NELL1: variants seen among roughly 807,000 people sequenced by gnomAD.
NELL1 encodes the protein neural EGFL like 1, also known as protein kinase C-binding protein NELL1.
A neutral mutation model predicts 107.4 loss-of-function variants in NELL1; 76 were observed. The observed-to-expected ratio is 0.71, with a 90% confidence interval of 0.59 to 0.86. NELL1 has a LOEUF of 0.86. NELL1 is among the 40% of genes least tolerant of loss of function. The pLI, the probability that NELL1 is intolerant of heterozygous loss-of-function variation, is 0.00. For synonymous variants in NELL1, 353 were observed against 341.2 expected (o/e 1.03, Z -0.38); for missense variants, 1,024 against 1,005.5 (o/e 1.02, Z -0.25).
intron 3 of NELL1, among the ~76,000 whole-genome samples, chr11:20,807,798 CA>C (rs759332443): frequency 1.3e-5 from 2 of 152,146 alleles, no homozygotes; most frequent in African/African-American, 2.4e-5. Flanking sequence ...CCCCTTTTCC[CA>C]GGTGGAGGAA....
chr11:21,175,736 C>G (rs1399307614), intron 13 of NELL1, among the ~76,000 whole-genome samples: 1 of 151,848 alleles, frequency 6.6e-6, no homozygotes, highest in Non-Finnish European at 1.5e-5. Context: ...GCGACTGTCA[C>G]TTTTTATCAA....
rs750284872 is a variant in NELL1, at chr11:21,194,529, G to C, written c.1427-34803G>C. Among the ~76,000 whole-genome samples, 27 of 152,110 alleles carry C rather than the reference G, an allele frequency of 1.8e-4. 1 individual carries two copies. The highest frequency in any genetic ancestry group is 1.2e-4 in the Non-Finnish European group (8 of 68,016). On this transcript the variant is annotated intron_variant, in intron 13 of 19. Coordinates refer to ENST00000357134, the MANE Select transcript of NELL1 (RefSeq NM_006157.5). ...GTTCATTTTAAAAAATTCCCCAGAT[G>C]ATTTAATATGTGGCCAAGAAGACTG... is the stretch of plus-strand genomic sequence containing the variant.
chr11:21,554,221 A>G (rs1564957740), intron 16 of NELL1, among the ~76,000 whole-genome samples: 1 of 151,898 alleles, frequency 6.6e-6, no homozygotes, highest in African/African-American at 2.4e-5. Context: ...TTAATTTAGA[A>G]GAAACTTTTC....
intron 12 of NELL1, among the ~76,000 whole-genome samples, chr11:21,007,754 C>A (rs1190432277): frequency 6.6e-6 from 1 of 151,996 alleles, no homozygotes; most frequent in African/African-American, 2.4e-5. Flanking sequence ...TCCTTCCATT[C>A]TCAAAGAACA....
At chr11:21,057,512 C>T (rs1399343349) in intron 12 of NELL1, among the ~76,000 whole-genome samples, 1 of 151,724 alleles carries the variant, frequency 6.6e-6, no homozygotes, top group Non-Finnish European at 1.5e-5. Flanking sequence ...TATTTATCTA[C>T]CTATTATTTA....
intron 14 of NELL1, among the ~76,000 whole-genome samples, chr11:21,370,335 T>C (rs569996012): frequency 6.6e-6 from 1 of 152,210 alleles, no homozygotes; most frequent in East Asian, 1.9e-4. Flanking sequence ...TACCAAAATA[T>C]TGGAAACAGC....
Position 21,022,577 on chromosome 11 carries a change from C to T in NELL1, c.1300+62017C>T, listed in dbSNP as rs79319780. Among the ~76,000 whole-genome samples, 232 of 152,134 alleles carry T rather than the reference C, an allele frequency of 1.5e-3. 2 individuals carry two copies. The highest frequency in any genetic ancestry group is 5.2e-3 in the African/African-American group (215 of 41,520). On this transcript the variant is annotated intron_variant, in intron 12 of 19. Transcript: ENST00000357134. ...GAGTGATCTACAGTAAAACTCTTGA[C>T]GCTAAAAGGATTTCAAGAACAGCCT...
intron 13 of NELL1, among the ~76,000 whole-genome samples, chr11:21,195,276 A>T (rs566289233): frequency 2.0e-5 from 3 of 152,306 alleles, no homozygotes; most frequent in African/African-American, 7.2e-5. Context: ...CTGGTGTCCA[A>T]TGTCAAACCT....
chr11:21,423,347 C>T (rs968946882), intron 15 of NELL1, among the ~76,000 whole-genome samples: 13 of 150,892 alleles, frequency 8.6e-5, no homozygotes, highest in Non-Finnish European at 1.3e-4. Flanking sequence ...TCCAGCCTGG[C>T]GACAGAGAGA....
intron 2 of NELL1, among the ~76,000 whole-genome samples, chr11:20,742,191 G>T (rs537884620): frequency 1.3e-5 from 2 of 152,182 alleles, no homozygotes; most frequent in African/African-American, 2.4e-5. Flanking sequence ...GCATCAGCCA[G>T]GCTCTTGCTT....
chr11:20,844,878 A>G (rs1313179766), intron 3 of NELL1, among the ~76,000 whole-genome samples: 3 of 152,220 alleles, frequency 2.0e-5, no homozygotes, highest in Non-Finnish European at 2.9e-5. Flanking sequence ...CTGAGTCACA[A>G]GGTTCTACTA....
intron 12 of NELL1, among the ~76,000 whole-genome samples, chr11:21,014,604 A>G (rs771565687): frequency 1.3e-5 from 2 of 152,050 alleles, no homozygotes; most frequent in African/African-American, 2.4e-5. Context: ...TTCTGTAATT[A>G]TTTGCCTGCA....
chr11:21,044,448 A>G (rs1203333047), intron 12 of NELL1, among the ~76,000 whole-genome samples: 1 of 152,194 alleles, frequency 6.6e-6, no homozygotes, highest in Non-Finnish European at 1.5e-5. Flanking sequence ...TTGGCGTAGT[A>G]GCAGAAAAAT....
chr11:21,081,425 A>C (rs1007076934), intron 12 of NELL1, among the ~76,000 whole-genome samples: 23 of 152,102 alleles, frequency 1.5e-4, no homozygotes, highest in African/African-American at 5.1e-4. Context: ...ACAGATCAAC[A>C]TCTCCAGCCC....
intron 2 of NELL1, among the ~76,000 whole-genome samples, chr11:20,679,656 C>T (rs1363269795): frequency 1.3e-5 from 2 of 152,122 alleles, no homozygotes; most frequent in East Asian, 1.9e-4. Flanking sequence ...AGAGTCCATA[C>T]CTTTCTTGAT....
intron 13 of NELL1, among the ~76,000 whole-genome samples, chr11:21,221,213 G>T (rs1475083355): frequency 2.0e-5 from 3 of 152,122 alleles, no homozygotes; most frequent in Admixed American, 2.0e-4. Flanking sequence ...AAGCATCCTT[G>T]CATCTCCAAG....
chr11:21,026,247 A>G lies in NELL1; in HGVS notation c.1300+65687A>G, dbSNP rs144491965. On this transcript the variant is annotated intron_variant, in intron 12 of 19. Transcript: ENST00000357134. The stretch of plus-strand genomic sequence containing the variant: ...TGTAAAAGCAAAGCTTGGAAGCCCT[A>G]CCTAGTGAGCGATGCCCTTACCTCC... Among the ~76,000 whole-genome samples the G allele has an allele frequency of 3.9e-5, 6 of 152,190 alleles. No individual in the cohort carries two copies. In the East Asian group the frequency reaches 1.2e-3, roughly 29 times the overall value.
chr11:21,243,061 A>G (rs1858403302), intron 14 of NELL1, among the ~76,000 whole-genome samples: 1 of 152,060 alleles, frequency 6.6e-6, no homozygotes, highest in African/African-American at 2.4e-5. Context: ...TGATATGTGA[A>G]TTCCCTCAGG....
At chr11:21,258,450 T>C (rs1035562331) in intron 14 of NELL1, among the ~76,000 whole-genome samples, 1 of 152,064 alleles carries the variant, frequency 6.6e-6, no homozygotes, top group Non-Finnish European at 1.5e-5. Flanking sequence ...TATGATATTA[T>C]GTATTTATTA....
Sources: allele counts gnomAD v4.1 joint callset (sites outside exome capture counted in the v4.1 genomes callset), GRCh38; gene constraint gnomAD v4.1.1; transcripts MANE v1.5; gene names NCBI Gene and HGNC (gene_info 2026-07-23, HGNC 2026-07-21).